The following DYNC1LI2 variants were observed in gnomAD, a reference collection of about 807,000 sequenced individuals.
DYNC1LI2 encodes the protein cytoplasmic dynein 1 light intermediate chain 2.
Under a neutral mutation model 57.8 loss-of-function variants are expected in DYNC1LI2, and 19 were observed. The observed-to-expected ratio is 0.33, with a 90% CI of 0.23 to 0.48. The LOEUF is 0.48. Ranked by LOEUF, DYNC1LI2 falls within the 20% of genes least tolerant of loss-of-function variation. DYNC1LI2 has a pLI of 0.99. For missense variants in DYNC1LI2, 470 were observed against 604.2 expected (o/e 0.78, Z 2.33); for synonymous variants, 256 against 233.4 (o/e 1.10, Z -0.88).
At position 66,729,113 on chromosome 16, in the gene DYNC1LI2, T is replaced by A. The variant is rs770746911; in HGVS notation, c.1042-14A>T. 6.2e-7 allele frequency: 1 copy of A among 1,613,870 alleles called. No individual in the cohort carries two copies. Among genetic ancestry groups the A allele is most frequent in the African/African-American group, 1.3e-5 (1 of 74,938 alleles). On this transcript the variant is annotated splice_polypyrimidine_tract_variant and intron_variant, in intron 8 of 12. Coordinates refer to ENST00000258198, the MANE Select transcript of DYNC1LI2 (RefSeq NM_006141.3). ...GTCGTGGACCAGCTGTGAAACAACA[T>A]ACATGTTTGTGGCCACAGGCCAAGA...
chr16:66,734,225 G>A lies in DYNC1LI2; in HGVS notation c.786C>T (p.Cys262=). The A allele has an allele frequency of 6.2e-7, 1 of 1,614,090 alleles. No homozygotes were observed. The highest frequency in any genetic ancestry group is 1.1e-5 in the South Asian group (1 of 91,062). The part of the protein sequence containing the change: ...DFIQSHLRRF[C]LQYGAALIYT... The stretch of plus-strand genomic sequence containing the variant: ...ACAGCGCCCAAAGGATACACTGAAG[G>A]CAGAACCTCCGCAGGTGTGACTGGA... Residue 262 remains cysteine (C), a synonymous_variant, in exon 6 of 13, where the codon TGC becomes TGT. Transcript: ENST00000258198.
intron 9 of DYNC1LI2, 106 bp downstream of exon 9, chr16:66,728,934 G>T: frequency 8.5e-7 from 1 of 1,176,382 alleles, no homozygotes; most frequent in Non-Finnish European, 1.3e-6. Context: ...CTCTACCACT[G>T]CAAGCTCTTT....
chr16:66,731,949 C>CA (rs1376101221), intron 7 of DYNC1LI2: 4 of 168,682 alleles, frequency 2.4e-5, no homozygotes, highest in African/African-American at 9.5e-5. Flanking sequence ...CCCATGCTGA[C>CA]AGAGATGCCG....
chr16:66,724,465 G>T (rs2017501939), intron 12 of DYNC1LI2, among the ~76,000 whole-genome samples: 1 of 152,134 alleles, frequency 6.6e-6, no homozygotes, highest in South Asian at 2.1e-4. Context: ...GCTGCCCCAA[G>T]TGATTTCCTG....
intron 3 of DYNC1LI2, among the ~76,000 whole-genome samples, chr16:66,748,277 CAAAAAA>C (rs36186799): frequency 3.0e-4 from 20 of 66,036 alleles, no homozygotes; most frequent in Middle Eastern, 0.011. Flanking sequence ...AACCCTGTCT[CAAAAAA>C]AAAAAAAAAA....
chr16:66,722,272 T>A lies in DYNC1LI2; in HGVS notation c.*1450A>T, dbSNP rs1183969803. On this transcript the variant is annotated 3_prime_UTR_variant, in exon 13 of 13. Coordinates refer to ENST00000258198, the MANE Select transcript of DYNC1LI2 (RefSeq NM_006141.3). ...AGTAATGACATTAGGGAAGTTATGC[T>A]TAGACACAGTACAACAAACATTCAT... The A allele has an allele frequency of 6.6e-6, 1 of 152,638 alleles. No individual in the cohort carries two copies. 9.5% of individuals were successfully genotyped at this position (152,638 alleles called of 1,614,324 possible). A position where few individuals can be genotyped will look rare whatever the true frequency, so the allele number is the denominator to read the frequency against.
In DYNC1LI2 at chr16:66,721,797, A is replaced by G. The variant is rs2017454145; in HGVS notation, c.*1925T>C. 6.6e-6 allele frequency: 1 copy of G among 152,638 alleles called. No homozygotes were observed. Among genetic ancestry groups the G allele is most frequent in the Non-Finnish European group, 1.5e-5 (1 of 68,044 alleles). The allele number at this position is 152,638 out of a possible 1,614,324, so 9.5% of individuals were successfully genotyped here. On this transcript the variant is annotated 3_prime_UTR_variant, in exon 13 of 13. Coordinates refer to ENST00000258198, the MANE Select transcript of DYNC1LI2 (RefSeq NM_006141.3). ...AAAGACAAATTAAAATTTTGCATTA[A>G]AATTTAAAATTATACCATATTCCTC...
In DYNC1LI2 at chr16:66,727,677, G is replaced by T; in HGVS notation, c.1261+11C>A. 6.2e-7 allele frequency: 1 copy of T among 1,613,358 alleles called. No homozygotes were observed. Among genetic ancestry groups the T allele is most frequent in the South Asian group, 1.1e-5 (1 of 90,966 alleles). On this transcript the variant is annotated intron_variant, in intron 11 of 12. Transcript: ENST00000258198. The stretch of plus-strand genomic sequence containing the variant: ...ACTCTCCAAAGAGACATACTTTTGA[G>T]GAATACATACTTTTGATGTTTGGGT...
chr16:66,746,338 T>C (rs950022305), intron 3 of DYNC1LI2, among the ~76,000 whole-genome samples: 3 of 152,174 alleles, frequency 2.0e-5, no homozygotes, highest in African/African-American at 7.2e-5. Context: ...TACCACAAAC[T>C]AGGTACAAGC....
At chr16:66,749,436 C>G in intron 2 of DYNC1LI2, 123 bp from the exon 3 acceptor site, 1 of 962,966 alleles carries the variant, frequency 1.0e-6, no homozygotes, top group Non-Finnish European at 1.6e-6. Context: ...TGAAGTCTCA[C>G]CTGCTTTCAT....
chr16:66,735,648 A>T (rs1437239592), intron 5 of DYNC1LI2, among the ~76,000 whole-genome samples: 1 of 152,150 alleles, frequency 6.6e-6, no homozygotes, highest in Non-Finnish European at 1.5e-5. Context: ...CTGGGACTAC[A>T]GGTGCCCGCC....
At chr16:66,728,073 T>TA in intron 10 of DYNC1LI2, 128 bp downstream of exon 10, 3 of 1,334,138 alleles carry the variant, frequency 2.2e-6, no homozygotes, top group Non-Finnish European at 3.1e-6. Context: ...CATGGGTCTT[T>TA]AGGGAAACCA....
intron 3 of DYNC1LI2, among the ~76,000 whole-genome samples, chr16:66,748,244 C>A (rs1345490843): frequency 3.5e-5 from 5 of 141,860 alleles, no homozygotes; most frequent in Non-Finnish European, 1.5e-5. Context: ...AGCCACTGCA[C>A]CCCAGCCTGG....
At chr16:66,729,411 C>T (rs964023689) in intron 8 of DYNC1LI2, among the ~76,000 whole-genome samples, 1 of 152,070 alleles carries the variant, frequency 6.6e-6, no homozygotes, top group Non-Finnish European at 1.5e-5. Flanking sequence ...ATGGGAAACA[C>T]CACCAACTCC....
intron 11 of DYNC1LI2, among the ~76,000 whole-genome samples, chr16:66,726,351 A>G (rs1341402757): frequency 6.6e-6 from 1 of 152,262 alleles, no homozygotes. Context: ...TGTGAGTATC[A>G]CTAAGTTACT....
intron 2 of DYNC1LI2, among the ~76,000 whole-genome samples, chr16:66,750,779 T>C (rs1274856871): frequency 6.6e-6 from 1 of 152,230 alleles, no homozygotes; most frequent in Non-Finnish European, 1.5e-5. Context: ...CTGACTCAGG[T>C]AACCTAGCAG....
chr16:66,721,254 T>C lies in DYNC1LI2; in HGVS notation c.*2468A>G, dbSNP rs936461400. 4 of 152,450 alleles carry C rather than the reference T, an allele frequency of 2.6e-5. No homozygotes were observed. Among genetic ancestry groups the C allele is most frequent in the Non-Finnish European group, 1.5e-5 (1 of 67,996 alleles). The allele number at this position is 152,450 out of a possible 1,614,324, so 9.4% of individuals were successfully genotyped here. On this transcript the variant is annotated 3_prime_UTR_variant, in exon 13 of 13. Transcript: ENST00000258198. The stretch of plus-strand genomic sequence containing the variant: ...CAAACAAAATAACAATCTAGCAGCA[T>C]TATCTGTTGCATTTTTAGGAAAGAC...
chr16:66,730,527 G>A (rs1171080616), intron 7 of DYNC1LI2: 1 of 226,076 alleles, frequency 4.4e-6, no homozygotes. Context: ...CTGCCTAGAA[G>A]AGCAAGGACA....
At chr16:66,746,961 T>A (rs546558724) in intron 3 of DYNC1LI2, among the ~76,000 whole-genome samples, 1 of 152,150 alleles carries the variant, frequency 6.6e-6, no homozygotes, top group Non-Finnish European at 1.5e-5. Context: ...AAAGACTCAA[T>A]ACATGTGAGA....
Sources: gnomAD v4.1 joint callset for allele counts (sites outside exome capture counted in the v4.1 genomes callset) on GRCh38, gnomAD v4.1.1 for gene constraint, MANE v1.5 for transcripts, NCBI Gene and HGNC (gene_info 2026-07-23, HGNC 2026-07-21) for gene names.